The following PDE4D variants were observed in gnomAD, a reference collection of about 807,000 sequenced individuals.
PDE4D encodes the protein phosphodiesterase 4D, also known as 3',5'-cyclic-AMP phosphodiesterase 4D.
PDE4D carries 24 observed loss-of-function variants against 87.4 expected under a neutral mutation model. The ratio of observed to expected loss-of-function variants is 0.27; its 90% CI spans 0.20 to 0.39. The LOEUF (loss-of-function observed/expected upper bound fraction) is 0.39, where lower values mean the gene tolerates loss of function less well. Among genes scored for constraint, PDE4D ranks in the 10% least tolerant of loss-of-function variants. The probability of loss-of-function intolerance (pLI) is 1.00; values close to 1 mark genes in which losing one functional copy is unlikely to be tolerated. For missense variants in PDE4D, 714 were observed against 1,041.0 expected, an observed-to-expected ratio of 0.69 and a Z score of 4.32; for synonymous variants, 384 against 383.2, an observed-to-expected ratio of 1.00 and a Z score of -0.02.
rs554148283 is a variant in PDE4D, at chr5:59,337,330, C to CA, written c.456-121363_456-121362insT. Among the ~76,000 whole-genome samples the CA allele has an allele frequency of 2.8e-5, 4 of 141,616 alleles. No individual in the cohort carries two copies. In the East Asian group the frequency reaches 8.1e-4, roughly 29 times the overall value. The allele number at this position is 141,616 out of a possible 152,430, so 92.9% of individuals were successfully genotyped here. ...TGAAAGGCATTCATAAGTTCCCCCC[C>CA]CCCCACCTTTTTTTTTTTTTTGACA... is the stretch of plus-strand genomic sequence containing the variant. On this transcript the variant is annotated intron_variant, in intron 1 of 14. Coordinates refer to ENST00000340635, the MANE Select transcript of PDE4D (RefSeq NM_001104631.2).
chr5:59,852,483 C>A (rs530413536), intron 1 of PDE4D, among the ~76,000 whole-genome samples: 2 of 152,012 alleles, frequency 1.3e-5, no homozygotes, highest in African/African-American at 2.4e-5. Flanking sequence ...AAGTCTCCCC[C>A]CAACAGCAGG....
At chr5:59,194,294 G>A (rs1744980180) in intron 2 of PDE4D, among the ~76,000 whole-genome samples, 1 of 152,164 alleles carries the variant, frequency 6.6e-6, no homozygotes, top group Non-Finnish European at 1.5e-5. Flanking sequence ...TTGAGACAAG[G>A]ATTTCCAGAG....
intron 1 of PDE4D, among the ~76,000 whole-genome samples, chr5:59,417,009 A>T (rs900199098): frequency 1.3e-5 from 2 of 152,194 alleles, no homozygotes; most frequent in African/African-American, 4.8e-5. Flanking sequence ...TTCACCCAAG[A>T]GATATTCCCA....
intron 1 of PDE4D, among the ~76,000 whole-genome samples, chr5:59,228,731 TC>T (rs1218472591): frequency 2.6e-5 from 4 of 152,160 alleles, no homozygotes; most frequent in Non-Finnish European, 5.9e-5. Flanking sequence ...TACTACGTTC[TC>T]CCAATGGTTT....
At position 59,865,301 on chromosome 5, in the gene PDE4D, T is replaced by C. The variant is rs369772872; in HGVS notation, c.455+27867A>G. On this transcript the variant is annotated intron_variant, in intron 1 of 14. Coordinates refer to ENST00000340635, the MANE Select transcript of PDE4D (RefSeq NM_001104631.2). ...TCTCACCTGTTTTTCGAAAACTGTATGAGTAACGAATATATTTTGGTAATT... is the reference window on the plus strand; with the variant it reads ...TCTCACCTGTTTTTCGAAAACTGTACGAGTAACGAATATATTTTGGTAATT... 4.6e-5 allele frequency among the ~76,000 whole-genome samples: 7 copies of C among 152,326 alleles called. No individual in the cohort carries two copies. In the East Asian group the frequency reaches 1.4e-3, roughly 29 times the overall value.
intron 1 of PDE4D, among the ~76,000 whole-genome samples, chr5:59,644,785 A>G (rs1742173025): frequency 6.6e-6 from 1 of 152,182 alleles, no homozygotes; most frequent in Non-Finnish European, 1.5e-5. Context: ...CTAAAGGATA[A>G]TCCAGGTTAC....
intron 5 of PDE4D, among the ~76,000 whole-genome samples, chr5:59,042,275 T>C (rs1401431262): frequency 2.6e-5 from 4 of 152,184 alleles, no homozygotes; most frequent in African/African-American, 9.7e-5. Context: ...AGCTTCACTT[T>C]TAGGAATTTT....
At chr5:59,399,312 C>T (rs375530652) in intron 1 of PDE4D, among the ~76,000 whole-genome samples, 12,415 of 130,176 alleles carry the variant, frequency 0.095, 412 homozygotes, top group East Asian at 0.18. Flanking sequence ...GGAGGCATCA[C>T]GCTACCTGAC....
At chr5:60,453,132 T>C (rs542708701) in intron 1 of PDE4D, among the ~76,000 whole-genome samples, 5 of 152,154 alleles carry the variant, frequency 3.3e-5, no homozygotes, top group African/African-American at 4.8e-5. Context: ...ATCAGCTCTT[T>C]ATAATCCAAT....
chr5:60,513,749 CA>C (rs1750674983), intron 1 of PDE4D, among the ~76,000 whole-genome samples: 1 of 151,784 alleles, frequency 6.6e-6, no homozygotes, highest in Admixed American at 6.6e-5. Context: ...GAAATCAAAA[CA>C]GATATTGGAA....
At chr5:59,606,982 C>T (rs1228289426) in intron 1 of PDE4D, among the ~76,000 whole-genome samples, 1 of 151,802 alleles carries the variant, frequency 6.6e-6, no homozygotes, top group African/African-American at 2.4e-5. Flanking sequence ...TTTCATATAC[C>T]TTTGGAAGTT....
rs55648657 is a variant in PDE4D, at chr5:60,515,604, T to TC, written n.70+6446_70+6447insG. Among the ~76,000 whole-genome samples the TC allele has an allele frequency of 0.012, 871 of 72,524 alleles. 45 individuals carry two copies. In the East Asian group the frequency reaches 0.16, roughly 14 times the overall value. 47.6% of individuals were successfully genotyped at this position (72,524 alleles called of 152,430 possible). A position where few individuals can be genotyped will look rare whatever the true frequency, so the allele number is the denominator to read the frequency against. On this transcript the variant is annotated intron_variant and non_coding_transcript_variant, in intron 1 of 2. Transcript: ENST00000506510. Reference sequence around the variant, plus strand: ...AGCTTTCTTTCCTTTTCTTTTTCTTTTTTTTTTTTTTTTTTCTGTCAGGAT... The same window carrying TC: ...AGCTTTCTTTCCTTTTCTTTTTCTTTCTTTTTTTTTTTTTTTCTGTCAGGAT...
chr5:59,637,858 C>T (rs1200200938), intron 1 of PDE4D, among the ~76,000 whole-genome samples: 3 of 152,082 alleles, frequency 2.0e-5, no homozygotes, highest in Non-Finnish European at 4.4e-5. Context: ...CTGTTGAAAG[C>T]CATAAATATG....
intron 1 of PDE4D, among the ~76,000 whole-genome samples, chr5:59,786,795 T>C (rs2152637845): frequency 6.6e-6 from 1 of 152,284 alleles, no homozygotes; most frequent in South Asian, 2.1e-4. Flanking sequence ...TTCATAGCTT[T>C]GAATCAAGTA....
chr5:60,083,937 A>G (rs547997645), intron 2 of PDE4D, among the ~76,000 whole-genome samples: 1 of 152,292 alleles, frequency 6.6e-6, no homozygotes, highest in Admixed American at 6.5e-5. Flanking sequence ...TTTAGCTTTT[A>G]ACCTTTTGGC....
chr5:59,046,304 G>A (rs1760646255), intron 5 of PDE4D, among the ~76,000 whole-genome samples: 1 of 151,944 alleles, frequency 6.6e-6, no homozygotes, highest in South Asian at 2.1e-4. Flanking sequence ...GCATGAGAGA[G>A]CGAGAGAATG....
At chr5:60,162,292 C>T (rs915122921) in intron 2 of PDE4D, among the ~76,000 whole-genome samples, 1 of 152,070 alleles carries the variant, frequency 6.6e-6, no homozygotes, top group Non-Finnish European at 1.5e-5. Context: ...GGTTTGGTAT[C>T]CATAACTGAA....
intron 2 of PDE4D, among the ~76,000 whole-genome samples, chr5:60,036,538 G>A (rs756708010): frequency 1.9e-4 from 29 of 152,132 alleles, no homozygotes; most frequent in East Asian, 3.8e-4. Flanking sequence ...GCAAACTCCC[G>A]TGAATATATC....
chr5:58,991,592 T>C (rs1397602809), intron 8 of PDE4D, among the ~76,000 whole-genome samples: 7 of 152,022 alleles, frequency 4.6e-5, no homozygotes, highest in Non-Finnish European at 1.0e-4. Flanking sequence ...TTCTAACTCT[T>C]TAAGGCCAAA....
Sources: gnomAD v4.1 joint callset for allele counts (sites outside exome capture counted in the v4.1 genomes callset) on GRCh38, gnomAD v4.1.1 for gene constraint, MANE v1.5 for transcripts, NCBI Gene and HGNC (gene_info 2026-07-23, HGNC 2026-07-21) for gene names.